MAP6: variants seen among roughly 807,000 people sequenced by gnomAD.
MAP6 encodes microtubule associated protein 6.
A neutral mutation model predicts 42.4 loss-of-function variants in MAP6; 26 were observed. The ratio of observed to expected loss-of-function variants is 0.61; its 90% CI spans 0.45 to 0.85. MAP6 has a LOEUF of 0.85. Among genes scored for constraint, MAP6 ranks in the 40% least tolerant of loss-of-function variants. The probability of loss-of-function intolerance (pLI) is 0.00; values close to 1 mark genes in which losing one functional copy is unlikely to be tolerated. For missense variants in MAP6, 966 were observed against 1,099.0 expected (o/e 0.88, Z 1.71); for synonymous variants, 418 against 443.8 (o/e 0.94, Z 0.73).
intron 1 of MAP6, among the ~76,000 whole-genome samples, chr11:75,622,071 G>C (rs571788742): frequency 2.6e-4 from 40 of 151,646 alleles, no homozygotes; most frequent in Non-Finnish European, 4.9e-4. Flanking sequence ...CCCAATAAAG[G>C]CTACTAGAAA....
At position 75,629,339 on chromosome 11, in the gene MAP6, C is replaced by T. The variant is rs144577550; in HGVS notation, c.906-21017G>A. On this transcript the variant is annotated intron_variant, in intron 1 of 3. Transcript: ENST00000304771. ...CTGGTCTCAAGTGATCCTCCTAACT[C>T]GGCCTCCCAAAGTGCTGGGATTACA... Among the ~76,000 whole-genome samples the T allele has an allele frequency of 2.7e-3, 407 of 152,180 alleles. 2 individuals are homozygous for T. Among genetic ancestry groups the T allele is most frequent in the African/African-American group, 9.5e-3 (394 of 41,532 alleles).
chr11:75,643,279 C>T (rs1943505787), intron 1 of MAP6, among the ~76,000 whole-genome samples: 2 of 151,512 alleles, frequency 1.3e-5, no homozygotes, highest in South Asian at 4.2e-4. Flanking sequence ...TTCACATTTG[C>T]CAGCACACTA....
Position 75,613,014 on chromosome 11 carries a change from T to C in MAP6, c.906-4692A>G, listed in dbSNP as rs80204130. Among the ~76,000 whole-genome samples the C allele has an allele frequency of 6.8e-4, 104 of 152,304 alleles. 1 individual carries two copies. Among genetic ancestry groups the C allele is most frequent in the African/African-American group, 2.3e-3 (96 of 41,570 alleles). Reference sequence around the variant, plus strand: ...AATCCTACTCTTGAGTCCAGTCTCATTTGCATGGCTGCAAAGGGGCATCCT... The same window carrying C: ...AATCCTACTCTTGAGTCCAGTCTCACTTGCATGGCTGCAAAGGGGCATCCT... On this transcript the variant is annotated intron_variant, in intron 1 of 3. Coordinates refer to ENST00000304771, the MANE Select transcript of MAP6 (RefSeq NM_033063.2).
At chr11:75,627,698 C>T (rs1007362412) in intron 1 of MAP6, among the ~76,000 whole-genome samples, 9 of 152,134 alleles carry the variant, frequency 5.9e-5, no homozygotes, top group African/African-American at 1.9e-4. Context: ...TCATGGAGAT[C>T]CTATGGAGTA....
At chr11:75,661,068 C>T (rs1368514658) in intron 1 of MAP6, among the ~76,000 whole-genome samples, 1 of 151,496 alleles carries the variant, frequency 6.6e-6, no homozygotes, top group Non-Finnish European at 1.5e-5. Flanking sequence ...CAAGATAATG[C>T]TATGATCAAT....
At position 75,655,126 on chromosome 11, in the gene MAP6, T is replaced by G. The variant is rs1251960426; in HGVS notation, c.905+12339A>C. On this transcript the variant is annotated intron_variant, in intron 1 of 3. Transcript: ENST00000304771. ...GGTCATGTGCTCTTCACCTTGAATC[T>G]TCATAGCCTATAGTCCCAGCCTTGG... Among the ~76,000 whole-genome samples the G allele has an allele frequency of 5.9e-5, 9 of 152,232 alleles. No homozygotes were observed. In the South Asian group the frequency reaches 1.9e-3, roughly 32 times the overall value.
chr11:75,630,126 G>T (rs889168517), intron 1 of MAP6, among the ~76,000 whole-genome samples: 31 of 152,242 alleles, frequency 2.0e-4, no homozygotes, highest in South Asian at 1.0e-3. Context: ...CTTCATCGTG[G>T]TCTTCCGAAC....
intron 1 of MAP6, among the ~76,000 whole-genome samples, chr11:75,654,119 T>C (rs1943696846): frequency 6.6e-6 from 1 of 152,186 alleles, no homozygotes; most frequent in Non-Finnish European, 1.5e-5. Context: ...GTAAGGTAGA[T>C]ATTAGTGATT....
chr11:75,587,215 A>G lies in MAP6; in HGVS notation c.2286T>C (p.Pro762=). The change falls in exon 4 of 4, where the codon CCT becomes CCC. Residue 762 remains proline (P), a synonymous_variant. Coordinates refer to ENST00000304771, the MANE Select transcript of MAP6 (RefSeq NM_033063.2). ...IVPVPLKDQD[P]LVPVPAKDQG... ...GGTCCTTTGCTGGTACTGGCACCAG[A>G]GGATCTTGATCCTTCAGAGGCACTG... The G allele has an allele frequency of 6.2e-7, 1 of 1,614,106 alleles. No homozygotes were observed. Among genetic ancestry groups the G allele is most frequent in the Non-Finnish European group, 8.5e-7 (1 of 1,180,010 alleles).
intron 1 of MAP6, among the ~76,000 whole-genome samples, chr11:75,656,301 T>A (rs1943748707): frequency 6.6e-6 from 1 of 152,110 alleles, no homozygotes; most frequent in Non-Finnish European, 1.5e-5. Flanking sequence ...TTGGGCACAA[T>A]TTTCCCACTA....
At chr11:75,649,011 A>G (rs994355358) in intron 1 of MAP6, among the ~76,000 whole-genome samples, 2 of 152,228 alleles carry the variant, frequency 1.3e-5, no homozygotes, top group African/African-American at 4.8e-5. Flanking sequence ...AACATTTAAT[A>G]AAATACAAAA....
intron 1 of MAP6, among the ~76,000 whole-genome samples, chr11:75,639,370 T>A (rs948963496): frequency 6.6e-6 from 1 of 152,258 alleles, no homozygotes; most frequent in Non-Finnish European, 1.5e-5. Flanking sequence ...AAGTGTTTTT[T>A]TCTTTATGCA....
rs755780555 is a variant in MAP6 at position 75,668,316 on chromosome 11, C to A, written c.54G>T (p.Gln18His). The A allele has an allele frequency of 1.9e-6, 3 of 1,577,372 alleles. No homozygotes were observed. In the South Asian group the frequency reaches 3.3e-5, roughly 17 times the overall value. The change falls in exon 1 of 4, where the codon CAG becomes CAT. Residue 18 changes from glutamine to histidine, a missense_variant. Physicochemically the swap from Gln to His is conservative, Grantham distance 24 (BLOSUM62 0). This residue lies in a region of MAP6 where 23 missense variants were observed against 49.1 expected (regional missense o/e 0.47). Coordinates refer to ENST00000304771, the MANE Select transcript of MAP6 (RefSeq NM_033063.2). ...GCACAGCGATGTCCGCTTTGTCCAA[C>A]TGGTTCCAGAAGCGGGCGATGCAGC... The part of the protein sequence containing the change: ...RACCIARFWN[Q>H]LDKADIAVPL...
At chr11:75,618,079 T>G (rs1198312870) in intron 1 of MAP6, among the ~76,000 whole-genome samples, 1 of 149,664 alleles carries the variant, frequency 6.7e-6, no homozygotes, top group Non-Finnish European at 1.5e-5. Context: ...GTACATCTAG[T>G]GAAGTACTCC....
intron 1 of MAP6, among the ~76,000 whole-genome samples, chr11:75,647,744 T>C (rs928348982): frequency 2.0e-5 from 3 of 152,224 alleles, no homozygotes; most frequent in African/African-American, 7.2e-5. Context: ...GATTAATCTA[T>C]AAATTTAACC....
At chr11:75,649,432 G>C (rs1221615736) in intron 1 of MAP6, among the ~76,000 whole-genome samples, 2 of 152,104 alleles carry the variant, frequency 1.3e-5, no homozygotes, top group Non-Finnish European at 2.9e-5. Flanking sequence ...AGGGGGCAAG[G>C]GAAGAAGCAG....
chr11:75,656,575 T>A (rs574747798), intron 1 of MAP6, among the ~76,000 whole-genome samples: 1 of 152,246 alleles, frequency 6.6e-6, no homozygotes, highest in Non-Finnish European at 1.5e-5. Flanking sequence ...CAAGAGCTCA[T>A]CCTTTGCTGA....
intron 3 of MAP6, among the ~76,000 whole-genome samples, chr11:75,590,723 T>C (rs1463902455): frequency 6.6e-6 from 1 of 152,182 alleles, no homozygotes; most frequent in Admixed American, 6.5e-5. Flanking sequence ...TCCCAGCACT[T>C]TGGGAGGCCG....
intron 1 of MAP6, among the ~76,000 whole-genome samples, chr11:75,609,754 T>C (rs1056872742): frequency 6.6e-6 from 1 of 152,222 alleles, no homozygotes; most frequent in African/African-American, 2.4e-5. Context: ...GACTACTGGC[T>C]TTTAAGAGAC....
Sources: allele counts gnomAD v4.1 joint callset (sites outside exome capture counted in the v4.1 genomes callset), GRCh38; gene constraint gnomAD v4.1.1; regional missense constraint gnomAD v4.1.1; transcripts MANE v1.5; gene names NCBI Gene and HGNC (gene_info 2026-07-23, HGNC 2026-07-21).